SLC39A11: variants seen among roughly 807,000 people sequenced by gnomAD.
The protein encoded by SLC39A11 is solute carrier family 39 member 11.
Under a neutral mutation model 36.1 loss-of-function variants are expected in SLC39A11, and 33 were observed. That is an observed-to-expected ratio of 0.91 (90% CI 0.69 to 1.22). SLC39A11 has a LOEUF of 1.22. Among genes scored for constraint, SLC39A11 ranks in the 50% most tolerant of loss-of-function variants. SLC39A11 has a pLI of 0.00. For synonymous variants in SLC39A11, 166 were observed against 170.3 expected, an observed-to-expected ratio of 0.97 and a Z score of 0.20; for missense variants, 432 against 430.3, an observed-to-expected ratio of 1.00 and a Z score of -0.03.
At chr17:72,802,148 C>T (rs1050143873) in intron 6 of SLC39A11, among the ~76,000 whole-genome samples, 5 of 152,128 alleles carry the variant, frequency 3.3e-5, no homozygotes, top group African/African-American at 4.8e-5. Context: ...CTCCGGGGTA[C>T]GGCAAAGCCT....
At chr17:72,804,413 C>T (rs947496076) in intron 6 of SLC39A11, among the ~76,000 whole-genome samples, 1 of 152,134 alleles carries the variant, frequency 6.6e-6, no homozygotes, top group Non-Finnish European at 1.5e-5. Context: ...CTCCCACTCC[C>T]CACCCAAGTA....
intron 7 of SLC39A11, among the ~76,000 whole-genome samples, chr17:72,681,805 T>C (rs757849013): frequency 9.2e-5 from 14 of 152,160 alleles, no homozygotes; most frequent in Non-Finnish European, 1.6e-4. Flanking sequence ...AGTAAATATA[T>C]TTTCTCTTCC....
chr17:73,085,319 C>T (rs2060688902), intron 2 of SLC39A11, among the ~76,000 whole-genome samples: 2 of 150,452 alleles, frequency 1.3e-5, no homozygotes, highest in Non-Finnish European at 2.9e-5. Flanking sequence ...CCAGCCTAGC[C>T]AACATGATGA....
intron 5 of SLC39A11, among the ~76,000 whole-genome samples, chr17:72,902,223 A>G (rs1215401997): frequency 6.6e-6 from 1 of 151,956 alleles, no homozygotes; most frequent in Admixed American, 6.6e-5. Flanking sequence ...GTGATCCGAG[A>G]TCATGCCATT....
At chr17:72,912,920 G>A (rs1348224461) in intron 5 of SLC39A11, among the ~76,000 whole-genome samples, 2 of 152,082 alleles carry the variant, frequency 1.3e-5, no homozygotes, top group East Asian at 1.9e-4. Context: ...GTGCTGACTC[G>A]AGAGACAGCT....
At chr17:72,885,025 G>C (rs1282992899) in intron 5 of SLC39A11, among the ~76,000 whole-genome samples, 1 of 152,198 alleles carries the variant, frequency 6.6e-6, no homozygotes, top group Admixed American at 6.5e-5. Context: ...TGGAGCACTT[G>C]AATGATTTGT....
intron 7 of SLC39A11, among the ~76,000 whole-genome samples, chr17:72,713,636 T>C (rs1006628322): frequency 4.6e-5 from 7 of 152,164 alleles, no homozygotes; most frequent in Admixed American, 2.0e-4. Context: ...TAAAAAAAAC[T>C]GGGAGGGGTT....
intron 6 of SLC39A11, among the ~76,000 whole-genome samples, chr17:72,793,892 C>T (rs1302210128): frequency 6.6e-6 from 1 of 151,326 alleles, no homozygotes; most frequent in Non-Finnish European, 1.5e-5. Context: ...TATCCTTTCT[C>T]CCCCTTCACA....
At position 72,787,419 on chromosome 17, in the gene SLC39A11, G is replaced by A. The variant is rs574310296; in HGVS notation, c.602-50700C>T. Among the ~76,000 whole-genome samples the A allele has an allele frequency of 5.3e-5, 8 of 151,922 alleles. No individual in the cohort carries two copies. In the South Asian group the frequency reaches 8.4e-4, roughly 16 times the overall value. ...ACTACAGGCGCCTGCCACCACGCCCGGCTAATTTTTCGTATTTTTAGTAAA... is the reference window on the plus strand; with the variant it reads ...ACTACAGGCGCCTGCCACCACGCCCAGCTAATTTTTCGTATTTTTAGTAAA... On this transcript the variant is annotated intron_variant, in intron 6 of 9. Transcript: ENST00000255559.
chr17:72,752,789 TAAG>T (rs765068437), intron 6 of SLC39A11, among the ~76,000 whole-genome samples: 21 of 152,200 alleles, frequency 1.4e-4, no homozygotes, highest in Non-Finnish European at 2.8e-4. Flanking sequence ...TCCTTGTATT[TAAG>T]AAGACTTTTC....
chr17:72,746,304 T>C (rs1849327563), intron 6 of SLC39A11, among the ~76,000 whole-genome samples: 11 of 152,070 alleles, frequency 7.2e-5, no homozygotes, highest in Admixed American at 7.2e-4. Context: ...CAAAAGGCAC[T>C]CATTAAAGGA....
chr17:72,858,821 G>C (rs770151337), intron 5 of SLC39A11, among the ~76,000 whole-genome samples: 1 of 152,196 alleles, frequency 6.6e-6, no homozygotes, highest in Non-Finnish European at 1.5e-5. Context: ...TTTTTGTACA[G>C]TGATTTTGTA....
chr17:72,983,672 A>G (rs1202097322), intron 4 of SLC39A11, among the ~76,000 whole-genome samples: 2 of 152,226 alleles, frequency 1.3e-5, no homozygotes, highest in Non-Finnish European at 2.9e-5. Flanking sequence ...ACCAGAAGAC[A>G]GAGGTGAGAG....
chr17:72,686,180 T>C lies in SLC39A11; in HGVS notation c.672-36912A>G, dbSNP rs2071740230. On this transcript the variant is annotated intron_variant, in intron 7 of 9. Coordinates refer to ENST00000255559, the MANE Select transcript of SLC39A11 (RefSeq NM_139177.4). Reference sequence around the variant, plus strand: ...CCATAATGTGACACTCAACATCTGTTCTTTGTTGTTCTGCAAACAGTATCT... The same window carrying C: ...CCATAATGTGACACTCAACATCTGTCCTTTGTTGTTCTGCAAACAGTATCT... 2.0e-5 allele frequency among the ~76,000 whole-genome samples: 3 copies of C among 152,300 alleles called. No homozygotes were observed. In the South Asian group the frequency reaches 6.2e-4, roughly 32 times the overall value.
chr17:72,671,433 T>C (rs1029595072), intron 7 of SLC39A11, among the ~76,000 whole-genome samples: 1 of 152,222 alleles, frequency 6.6e-6, no homozygotes, highest in African/African-American at 2.4e-5. Flanking sequence ...AAAATAGCTA[T>C]ATTTAGGCTG....
intron 6 of SLC39A11, among the ~76,000 whole-genome samples, chr17:72,813,805 C>T (rs2077501851): frequency 6.6e-6 from 1 of 152,150 alleles, no homozygotes; most frequent in African/African-American, 2.4e-5. Flanking sequence ...TTAGTTAAGG[C>T]AGGATGGGGC....
intron 6 of SLC39A11, among the ~76,000 whole-genome samples, chr17:72,772,653 C>A (rs1447433525): frequency 6.6e-6 from 1 of 152,198 alleles, no homozygotes; most frequent in Non-Finnish European, 1.5e-5. Flanking sequence ...TGCATCGCTG[C>A]ACACCTGCTA....
chr17:72,988,911 T>C (rs1330529573), intron 4 of SLC39A11, among the ~76,000 whole-genome samples: 2 of 152,108 alleles, frequency 1.3e-5, no homozygotes, highest in Admixed American at 1.3e-4. Flanking sequence ...TTTGCTCTTT[T>C]TAAGATTACA....
chr17:72,703,447 T>C (rs1369549703), intron 7 of SLC39A11, among the ~76,000 whole-genome samples: 2 of 152,110 alleles, frequency 1.3e-5, no homozygotes, highest in South Asian at 4.1e-4. Flanking sequence ...AGAACACCTT[T>C]GAATGGGCAT....
Sources: allele counts gnomAD v4.1 joint callset (sites outside exome capture counted in the v4.1 genomes callset), GRCh38; gene constraint gnomAD v4.1.1; transcripts MANE v1.5; gene names NCBI Gene and HGNC (gene_info 2026-07-23, HGNC 2026-07-21).